The following DISC1 variants were observed in gnomAD, a reference collection of about 807,000 sequenced individuals.
DISC1 encodes disrupted in schizophrenia 1 protein.
Under a neutral mutation model 84.5 loss-of-function variants are expected in DISC1, and 57 were observed. The observed-to-expected ratio is 0.67, with a 90% CI of 0.55 to 0.84. The LOEUF is 0.84. Ranked by LOEUF, DISC1 falls within the 40% of genes least tolerant of loss-of-function variation. DISC1 has a pLI of 0.00. For missense variants in DISC1, 1,000 were observed against 1,057.8 expected (o/e 0.95, Z 0.76); for synonymous variants, 411 against 415.2 (o/e 0.99, Z 0.12).
At chr1:231,688,115 G>T (rs1467651772) in intron 1 of DISC1, among the ~76,000 whole-genome samples, 1 of 152,168 alleles carries the variant, frequency 6.6e-6, no homozygotes, top group Non-Finnish European at 1.5e-5. Context: ...GTATGTCTTT[G>T]TTGACATTTC....
chr1:232,028,001 AT>A (rs1669635394), intron 12 of DISC1, among the ~76,000 whole-genome samples: 1 of 152,164 alleles, frequency 6.6e-6, no homozygotes, highest in African/African-American at 2.4e-5. Context: ...TGATTTTCAC[AT>A]TGCTTTAGGT....
At chr1:231,896,474 C>T (rs937316284) in intron 9 of DISC1, among the ~76,000 whole-genome samples, 7 of 152,036 alleles carry the variant, frequency 4.6e-5, no homozygotes, top group African/African-American at 1.2e-4. Context: ...TCAAATGCAA[C>T]TTTTTTTTCC....
chr1:231,628,338 T>A (rs991066914), intron 1 of DISC1, among the ~76,000 whole-genome samples: 27 of 152,330 alleles, frequency 1.8e-4, no homozygotes, highest in Non-Finnish European at 3.1e-4. Flanking sequence ...TACTGCCTTT[T>A]GTACTGATCG....
intron 3 of DISC1, chr1:231,723,033 G>T (rs2070067267): frequency 9.1e-7 from 1 of 1,099,640 alleles, no homozygotes; most frequent in South Asian, 2.6e-5. Context: ...TTTCCCCTTG[G>T]TGGCAATATG....
intron 10 of DISC1, 97 bp from the exon 11 acceptor site, chr1:232,008,688 G>T: frequency 7.2e-7 from 1 of 1,380,898 alleles, no homozygotes; most frequent in South Asian, 1.5e-5. Flanking sequence ...AGTATAAGAT[G>T]ACCAGCTGAC....
intron 9 of DISC1, among the ~76,000 whole-genome samples, chr1:231,873,904 A>G (rs1385115789): frequency 6.6e-6 from 1 of 151,894 alleles, no homozygotes. Flanking sequence ...GCTGAAGTGC[A>G]GTGGTGTGAT....
intron 9 of DISC1, among the ~76,000 whole-genome samples, chr1:231,883,512 T>G (rs1192573596): frequency 6.6e-6 from 1 of 152,102 alleles, no homozygotes; most frequent in African/African-American, 2.4e-5. Context: ...TGCCAGGTGC[T>G]GGGTCCCACA....
At chr1:231,979,674 A>G (rs1363560428) in intron 10 of DISC1, among the ~76,000 whole-genome samples, 1 of 151,130 alleles carries the variant, frequency 6.6e-6, no homozygotes, top group Non-Finnish European at 1.5e-5. Flanking sequence ...CTCTATATGT[A>G]ATAGTATACT....
At chr1:231,710,402 A>G (rs2067668291) in intron 3 of DISC1, among the ~76,000 whole-genome samples, 1 of 152,172 alleles carries the variant, frequency 6.6e-6, no homozygotes, top group African/African-American at 2.4e-5. Context: ...AGGATGTGCT[A>G]ATGATGAGAT....
chr1:231,859,576 A>G (rs917918340), intron 9 of DISC1, among the ~76,000 whole-genome samples: 3 of 150,532 alleles, frequency 2.0e-5, no homozygotes, highest in Non-Finnish European at 4.4e-5. Flanking sequence ...CTTTGGGGTT[A>G]GGATTTTAAC....
In DISC1 at chr1:231,653,026, C is replaced by T. The variant is rs112666671; in HGVS notation, c.67+26092C>T. Among the ~76,000 whole-genome samples the T allele has an allele frequency of 9.9e-4, 150 of 152,248 alleles. 1 individual carries two copies. Among genetic ancestry groups the T allele is most frequent in the African/African-American group, 3.3e-3 (139 of 41,548 alleles). On this transcript the variant is annotated intron_variant, in intron 1 of 12. Transcript: ENST00000439617. ...AACTCCTGACATCCGGTGATCTGCC[C>T]GCCTTGGCCTCCCAAAGGGAGGGAT...
At chr1:231,896,148 C>A (rs894463648) in intron 9 of DISC1, among the ~76,000 whole-genome samples, 1 of 152,134 alleles carries the variant, frequency 6.6e-6, no homozygotes, top group Non-Finnish European at 1.5e-5. Context: ...CCGACTGCAT[C>A]ATTTTCCATG....
intron 5 of DISC1, among the ~76,000 whole-genome samples, chr1:231,769,650 C>G (rs1041961874): frequency 1.3e-5 from 2 of 152,102 alleles, no homozygotes; most frequent in Non-Finnish European, 1.5e-5. Flanking sequence ...TACAGAGTCT[C>G]AGTTTTGCAA....
rs368482729 is a variant in DISC1, at chr1:231,919,990, C to T, written c.1982-38838C>T. 1.4e-4 allele frequency among the ~76,000 whole-genome samples: 21 copies of T among 152,264 alleles called. No homozygotes were observed. In the East Asian group the frequency reaches 2.5e-3, roughly 18 times the overall value. On this transcript the variant is annotated intron_variant, in intron 9 of 12. Coordinates refer to ENST00000439617, the MANE Select transcript of DISC1 (RefSeq NM_018662.3). Reference sequence around the variant, plus strand: ...AGCTTCTCAGCCTTGACACTATTGACGTTTTAGACCAGACACCTCTTTGCT... The same window carrying T: ...AGCTTCTCAGCCTTGACACTATTGATGTTTTAGACCAGACACCTCTTTGCT...
At chr1:231,716,723 C>G (rs1482015569) in intron 3 of DISC1, among the ~76,000 whole-genome samples, 1 of 152,154 alleles carries the variant, frequency 6.6e-6, no homozygotes, top group Non-Finnish European at 1.5e-5. Flanking sequence ...GTGGCCTTCA[C>G]CCTCATGGGC....
intron 9 of DISC1, chr1:231,819,029 G>A (rs903501384): frequency 1.2e-4 from 123 of 992,274 alleles, no homozygotes; most frequent in Admixed American, 5.7e-5. Flanking sequence ...CTGCTTGTCA[G>A]AGGAGTTCAA....
intron 9 of DISC1, among the ~76,000 whole-genome samples, chr1:231,827,025 A>G (rs781500558): frequency 6.6e-5 from 10 of 151,926 alleles, no homozygotes; most frequent in Non-Finnish European, 1.0e-4. Context: ...GTCTCAGTCT[A>G]TTGCCAAGGC....
intron 9 of DISC1, among the ~76,000 whole-genome samples, chr1:231,927,973 A>G (rs1277796929): frequency 1.3e-5 from 2 of 152,130 alleles, no homozygotes; most frequent in African/African-American, 4.8e-5. Flanking sequence ...GTCTACTTGG[A>G]CCTAGGAACT....
intron 1 of DISC1, among the ~76,000 whole-genome samples, chr1:231,652,486 TAAC>T (rs536128584): frequency 5.3e-4 from 80 of 152,236 alleles, no homozygotes; most frequent in South Asian, 1.7e-3. Context: ...GGAGGAAAAA[TAAC>T]ACATTTACTG....
Sources: allele counts gnomAD v4.1 joint callset (sites outside exome capture counted in the v4.1 genomes callset), GRCh38; gene constraint gnomAD v4.1.1; transcripts MANE v1.5; gene names NCBI Gene and HGNC (gene_info 2026-07-23, HGNC 2026-07-21).